Variants in CAMK4 observed in about 807,000 individuals in gnomAD.
The protein encoded by CAMK4 is calcium/calmodulin-dependent protein kinase type IV.
A neutral mutation model predicts 44.9 loss-of-function variants in CAMK4; 22 were observed. The observed-to-expected ratio is 0.49, with a 90% CI of 0.35 to 0.70. The LOEUF (loss-of-function observed/expected upper bound fraction) is 0.70, where lower values mean the gene tolerates loss of function less well. Among genes scored for constraint, CAMK4 ranks in the 30% least tolerant of loss-of-function variants. CAMK4 has a pLI of 0.01. For missense variants in CAMK4, 498 were observed against 586.8 expected, an observed-to-expected ratio of 0.85 and a Z score of 1.56; for synonymous variants, 218 against 215.4, an observed-to-expected ratio of 1.01 and a Z score of -0.11.
At chr5:111,373,724 G>A (rs964691551) in intron 2 of CAMK4, among the ~76,000 whole-genome samples, 17 of 152,116 alleles carry the variant, frequency 1.1e-4, no homozygotes, top group African/African-American at 4.1e-4. Context: ...GAGTTTGGCT[G>A]TGAATTGCAC....
chr5:111,367,958 C>T (rs554284175), intron 2 of CAMK4, among the ~76,000 whole-genome samples: 112 of 152,142 alleles, frequency 7.4e-4, no homozygotes, highest in African/African-American at 2.4e-3. Flanking sequence ...ATTGTGTCTC[C>T]GACCTTTCTG....
intron 5 of CAMK4, among the ~76,000 whole-genome samples, chr5:111,435,474 C>G (rs1217963880): frequency 6.6e-6 from 1 of 152,170 alleles, no homozygotes; most frequent in Non-Finnish European, 1.5e-5. Context: ...GAGCTCACCT[C>G]TTTGCCTGAG....
intron 1 of CAMK4, among the ~76,000 whole-genome samples, chr5:111,339,915 G>T (rs929522722): frequency 6.6e-6 from 1 of 150,902 alleles, no homozygotes; most frequent in Admixed American, 6.6e-5. Context: ...CATGTTTATA[G>T]TTTTCAGTAT....
intron 1 of CAMK4, among the ~76,000 whole-genome samples, chr5:111,237,108 C>T (rs753030835): frequency 2.0e-4 from 30 of 152,120 alleles, no homozygotes; most frequent in Non-Finnish European, 4.0e-4. Context: ...TGCTGTGTCC[C>T]CAGAATCTTA....
chr5:111,370,374 T>C (rs796542001), intron 2 of CAMK4, among the ~76,000 whole-genome samples: 16 of 152,268 alleles, frequency 1.1e-4, no homozygotes, highest in African/African-American at 3.8e-4. Context: ...ATATTTGTGT[T>C]AGAAAATATT....
At chr5:111,286,969 C>T (rs1047738885) in intron 1 of CAMK4, among the ~76,000 whole-genome samples, 1 of 152,144 alleles carries the variant, frequency 6.6e-6, no homozygotes, top group African/African-American at 2.4e-5. Context: ...TTTCTTCCCT[C>T]AGCAAAAGCA....
intron 1 of CAMK4, among the ~76,000 whole-genome samples, chr5:111,262,812 C>T (rs538807881): frequency 1.2e-3 from 190 of 152,212 alleles, no homozygotes; most frequent in Middle Eastern, 3.4e-3. Flanking sequence ...TGAACAAAAA[C>T]GGAAATACAC....
At chr5:111,439,583 T>A (rs1270514023) in intron 5 of CAMK4, among the ~76,000 whole-genome samples, 1 of 152,152 alleles carries the variant, frequency 6.6e-6, no homozygotes, top group African/African-American at 2.4e-5. Flanking sequence ...GAGTTTAGTT[T>A]TAGAAATGTT....
intron 1 of CAMK4, among the ~76,000 whole-genome samples, chr5:111,338,938 T>G (rs553130870): frequency 6.6e-6 from 1 of 151,450 alleles, no homozygotes; most frequent in Non-Finnish European, 1.5e-5. Flanking sequence ...CTATTCAGGC[T>G]CTTTTTTGAA....
intron 7 of CAMK4, among the ~76,000 whole-genome samples, chr5:111,457,914 TA>T (rs1224428007): frequency 6.6e-6 from 1 of 152,186 alleles, no homozygotes; most frequent in Non-Finnish European, 1.5e-5. Flanking sequence ...AATGAACTTT[TA>T]AAAAATCTAG....
chr5:111,271,586 A>G (rs970467878), intron 1 of CAMK4, among the ~76,000 whole-genome samples: 1 of 152,222 alleles, frequency 6.6e-6, no homozygotes, highest in Non-Finnish European at 1.5e-5. Context: ...AGTCAGATGG[A>G]TGTGAGACTG....
In CAMK4 at chr5:111,248,040, C is replaced by T. The variant is rs142838925; in HGVS notation, c.161+23396C>T. On this transcript the variant is annotated intron_variant, in intron 1 of 10. Coordinates refer to ENST00000282356, the MANE Select transcript of CAMK4 (RefSeq NM_001744.6). ...CTTTTTGTTCCCCTGCAGATTATCT[C>T]ACTGGACTAGTGTTTTACAGAATAC... Among the ~76,000 whole-genome samples, 62 of 152,266 alleles carry T rather than the reference C, an allele frequency of 4.1e-4. 1 individual carries two copies. In the Middle Eastern group the frequency reaches 0.017, roughly 42 times the overall value.
chr5:111,396,734 A>G (rs1321364847), intron 5 of CAMK4, among the ~76,000 whole-genome samples: 1 of 131,108 alleles, frequency 7.6e-6, no homozygotes, highest in East Asian at 2.4e-4. Context: ...TCTGCCTCCC[A>G]GGTTGAAGTG....
chr5:111,312,572 C>G (rs996350439), intron 1 of CAMK4, among the ~76,000 whole-genome samples: 1 of 152,066 alleles, frequency 6.6e-6, no homozygotes, highest in Non-Finnish European at 1.5e-5. Context: ...TATCTAGAGT[C>G]TTCCTTGACT....
intron 1 of CAMK4, among the ~76,000 whole-genome samples, chr5:111,267,674 C>A (rs887567419): frequency 4.1e-5 from 6 of 146,496 alleles, no homozygotes; most frequent in Non-Finnish European, 9.0e-5. Context: ...ACAGCACTCC[C>A]GCCTGGGCGA....
intron 1 of CAMK4, among the ~76,000 whole-genome samples, chr5:111,263,376 C>T (rs1232887041): frequency 6.6e-6 from 1 of 152,140 alleles, no homozygotes; most frequent in Non-Finnish European, 1.5e-5. Context: ...ACTGAGTGGC[C>T]AGTGAAGGCT....
At chr5:111,397,673 GTGTGTGTGTGTGTGTGTGTT>G (rs1375496317) in intron 5 of CAMK4, among the ~76,000 whole-genome samples, 8 of 132,002 alleles carry the variant, frequency 6.1e-5, no homozygotes, top group African/African-American at 2.1e-4. Flanking sequence ...GTGTGTGTGT[GTGTGTGTGTGTGTGTGTGTT>G]TGCAGTTTAC....
chr5:111,421,233 AT>A (rs1400461771), intron 5 of CAMK4, among the ~76,000 whole-genome samples: 3 of 152,186 alleles, frequency 2.0e-5, no homozygotes, highest in African/African-American at 7.2e-5. Context: ...CACAAACCCT[AT>A]GTCATAGCCT....
chr5:111,292,454 G>A (rs968123781), intron 1 of CAMK4, among the ~76,000 whole-genome samples: 1 of 152,020 alleles, frequency 6.6e-6, no homozygotes. Context: ...TATATATAGT[G>A]TGTGTGTGAG....
Sources: gnomAD v4.1 joint callset for allele counts (sites outside exome capture counted in the v4.1 genomes callset) on GRCh38, gnomAD v4.1.1 for gene constraint, MANE v1.5 for transcripts, NCBI Gene and HGNC (gene_info 2026-07-23, HGNC 2026-07-21) for gene names.